The following RRP12 variants were observed in gnomAD, a reference collection of about 807,000 sequenced individuals.
The protein encoded by RRP12 is RRP12-like protein.
Under a neutral mutation model 157.3 loss-of-function variants are expected in RRP12, and 78 were observed. The observed-to-expected ratio is 0.50, with a 90% CI of 0.41 to 0.60. RRP12 has a LOEUF of 0.60. RRP12 is among the 20% of genes least tolerant of loss of function. The probability of loss-of-function intolerance (pLI) is 0.00; values close to 1 mark genes in which losing one functional copy is unlikely to be tolerated. For missense variants in RRP12, 1,521 were observed against 1,679.9 expected, an observed-to-expected ratio of 0.91 and a Z score of 1.65; for synonymous variants, 726 against 670.9, an observed-to-expected ratio of 1.08 and a Z score of -1.27.
intron 4 of RRP12, among the ~76,000 whole-genome samples, chr10:97,392,970 C>T (rs946397924): frequency 2.0e-5 from 3 of 151,538 alleles, no homozygotes; most frequent in African/African-American, 7.3e-5. Context: ...GGATTACAGG[C>T]GATCTGCCCA....
intron 14 of RRP12, 67 bp from the exon 15 acceptor site, chr10:97,379,481 C>T (rs997663401): frequency 1.9e-6 from 3 of 1,606,590 alleles, no homozygotes; most frequent in African/African-American, 1.3e-5. Context: ...GCATAGCATA[C>T]TGAGCCCAGG....
At chr10:97,369,950 C>T (rs1201192736) in intron 24 of RRP12, among the ~76,000 whole-genome samples, 1 of 152,162 alleles carries the variant, frequency 6.6e-6, no homozygotes, top group Non-Finnish European at 1.5e-5. Flanking sequence ...CACAGTCACA[C>T]GTGGGGACAG....
chr10:97,383,355 C>T (rs1325277625), intron 10 of RRP12, among the ~76,000 whole-genome samples: 1 of 152,226 alleles, frequency 6.6e-6, no homozygotes, highest in Non-Finnish European at 1.5e-5. Flanking sequence ...CTCATCAGGG[C>T]TGTGTGACTA....
chr10:97,390,657 C>G (rs1589437520), intron 5 of RRP12, 82 bp downstream of exon 5: 2 of 1,363,784 alleles, frequency 1.5e-6, no homozygotes, highest in East Asian at 4.6e-5. Context: ...TGCCTAAACC[C>G]CTCTCAGGGA....
In RRP12 at chr10:97,367,998, C is replaced by T. The variant is rs565000936; in HGVS notation, c.2956-866G>A. On this transcript the variant is annotated intron_variant, in intron 25 of 33. Transcript: ENST00000370992. Reference sequence around the variant, plus strand: ...CCGCCCACCTTGGCCTCCCAAAGTACTGGGATTACAGGTGTGAGCCACTGT... The same window carrying T: ...CCGCCCACCTTGGCCTCCCAAAGTATTGGGATTACAGGTGTGAGCCACTGT... Among the ~76,000 whole-genome samples, 8 of 148,486 alleles carry T rather than the reference C, an allele frequency of 5.4e-5. No homozygotes were observed. In the South Asian group the frequency reaches 1.7e-3, roughly 32 times the overall value.
intron 3 of RRP12, 100 bp downstream of exon 3, chr10:97,396,115 GGTT>G: frequency 1.2e-6 from 1 of 821,444 alleles, no homozygotes; most frequent in Non-Finnish European, 2.1e-6. Context: ...ACCTGGTCAA[GGTT>G]GTCCTTCTCT....
chr10:97,374,421 C>CA (rs1173437183), intron 15 of RRP12, among the ~76,000 whole-genome samples: 1 of 152,004 alleles, frequency 6.6e-6, no homozygotes, highest in Non-Finnish European at 1.5e-5. Context: ...CTCGGCCTCC[C>CA]AAAGTGCTGG....
At chr10:97,373,999 G>A in intron 15 of RRP12, 105 bp from the exon 16 acceptor site, 1 of 851,258 alleles carries the variant, frequency 1.2e-6, no homozygotes, top group Non-Finnish European at 1.9e-6. Context: ...AGGAATATGG[G>A]TGACTTCCCC....
chr10:97,366,274 C>T, intron 28 of RRP12, 41 bp from the exon 29 acceptor site: 4 of 1,605,840 alleles, frequency 2.5e-6, no homozygotes, highest in Non-Finnish European at 3.4e-6. Flanking sequence ...GAAGGCCAGT[C>T]CCATGCTACT....
chr10:97,385,788 C>A, intron 9 of RRP12, 107 bp downstream of exon 9: 1 of 794,700 alleles, frequency 1.3e-6, no homozygotes. Context: ...CAACCCAGCC[C>A]AGCCAACCTC....
intron 4 of RRP12, among the ~76,000 whole-genome samples, chr10:97,392,817 G>A (rs745374554): frequency 1.3e-5 from 2 of 151,370 alleles, no homozygotes; most frequent in Non-Finnish European, 2.9e-5. Flanking sequence ...TCAGCCTCCC[G>A]AGTAGCTGAA....
At chr10:97,380,678 G>C (rs1844440759) in intron 13 of RRP12, 121 bp downstream of exon 13, 2 of 710,972 alleles carry the variant, frequency 2.8e-6, no homozygotes. Flanking sequence ...ACCTGCTATG[G>C]CCCTGTCAGG....
rs755305657 is a variant in RRP12, at chr10:97,390,388, C to T, written c.753+35G>A. ...GCACTGGGCTGAGTGGTGGCTGTCCCCTTGCCCCATTTTCTAGGGAGCTAG... is the reference window on the plus strand; with the variant it reads ...GCACTGGGCTGAGTGGTGGCTGTCCTCTTGCCCCATTTTCTAGGGAGCTAG... On this transcript the variant is annotated intron_variant, in intron 6 of 33. Transcript: ENST00000370992. The T allele has an allele frequency of 3.9e-6, 6 of 1,529,076 alleles. No individual in the cohort carries two copies. In the South Asian group the frequency reaches 4.5e-5, roughly 11 times the overall value. 94.7% of individuals were successfully genotyped at this position (1,529,076 alleles called of 1,614,324 possible).
rs1341993449 is a variant in RRP12 at position 97,358,637 on chromosome 10, C to CA, written c.3709-19dup. On this transcript the variant is annotated intron_variant, in intron 32 of 33. Transcript: ENST00000370992. ...TTTGCTTTCTGCTTGCCCAGAGAAA[C>CA]AGAGTCAGCTAGGAGGGTGGGGTTC... 1 of 1,600,716 alleles carries CA rather than the reference C, an allele frequency of 6.2e-7. No individual in the cohort carries two copies. The highest frequency in any genetic ancestry group is 1.3e-5 in the African/African-American group (1 of 74,412).
In RRP12 at chr10:97,380,865, G is replaced by A. The variant is rs775808485; in HGVS notation, c.1467C>T (p.Ser489=). 1.2e-5 allele frequency: 19 copies of A among 1,614,178 alleles called. No homozygotes were observed. Among genetic ancestry groups the A allele is most frequent in the Admixed American group, 1.0e-4 (6 of 60,028 alleles). The part of the protein sequence containing the change: ...LTYKFHAAWS[S]VLQLLCVFFE... ...AGAAGACACACAGCAGCTGCAACACGGAGCTCCAGGCCGCATGGAATTTGT... is the reference window on the plus strand; with the variant it reads ...AGAAGACACACAGCAGCTGCAACACAGAGCTCCAGGCCGCATGGAATTTGT... Residue 489 remains serine, a synonymous_variant, in exon 13 of 34, where the codon TCC becomes TCT. Transcript: ENST00000370992.
At chr10:97,397,133 G>A (rs1038477667) in intron 2 of RRP12, among the ~76,000 whole-genome samples, 2 of 151,912 alleles carry the variant, frequency 1.3e-5, no homozygotes, top group African/African-American at 4.8e-5. Context: ...TATATAAATA[G>A]TTGTTATACT....
chr10:97,372,731 G>A lies in RRP12; in HGVS notation c.2249+5C>T, dbSNP rs1455837026. 6.4e-7 allele frequency: 1 copy of A among 1,557,114 alleles called. No individual in the cohort carries two copies. Among genetic ancestry groups the A allele is most frequent in the Non-Finnish European group, 8.7e-7 (1 of 1,149,982 alleles). ...AGCTCAAGTGGGAGGCCCTGAGCAT[G>A]TTACCTGGTAAAGTCAGAGCTGGCA... On this transcript the variant is annotated splice_donor_5th_base_variant and intron_variant, in intron 19 of 33. Transcript: ENST00000370992.
Position 97,396,316 on chromosome 10 carries a change from G to A in RRP12, c.370-15C>T, listed in dbSNP as rs556861228. 1 of 1,607,614 alleles carries A rather than the reference G, an allele frequency of 6.2e-7. No individual in the cohort carries two copies. Among genetic ancestry groups the A allele is most frequent in the African/African-American group, 1.3e-5 (1 of 74,928 alleles). On this transcript the variant is annotated splice_polypyrimidine_tract_variant and intron_variant, in intron 2 of 33. Transcript: ENST00000370992. The stretch of plus-strand genomic sequence containing the variant: ...ACAGCACAGATCTGCACAGGAGGGA[G>A]AAAGCACTGTGACTATTTTAGACCT...
chr10:97,401,296 C>T lies in RRP12; in HGVS notation c.-65G>A, dbSNP rs1845142430. 2 of 1,601,196 alleles carry T rather than the reference C, an allele frequency of 1.2e-6. No individual in the cohort carries two copies. Among genetic ancestry groups the T allele is most frequent in the Non-Finnish European group, 8.5e-7 (1 of 1,170,016 alleles). On this transcript the variant is annotated 5_prime_UTR_variant, in exon 1 of 34. Transcript: ENST00000370992. ...GCTTCCAGGGACGTAGAAACACGCT[C>T]AGAACCCACGTGGATACCCTGTAGC...
Sources: gnomAD v4.1 joint callset for allele counts (sites outside exome capture counted in the v4.1 genomes callset) on GRCh38, gnomAD v4.1.1 for gene constraint, MANE v1.5 for transcripts, NCBI Gene and HGNC (gene_info 2026-07-23, HGNC 2026-07-21) for gene names.